MIB1: variants seen among roughly 807,000 people sequenced by gnomAD.
The protein encoded by MIB1 is MIB E3 ubiquitin protein ligase 1.
A neutral mutation model predicts 124.5 loss-of-function variants in MIB1; 278 were observed. The ratio of observed to expected loss-of-function variants is 2.23; its 90% CI spans 2.02 to 2.47. The LOEUF (loss-of-function observed/expected upper bound fraction) is 2.47. Among genes scored for constraint, MIB1 ranks in the 30% most tolerant of loss-of-function variants. The pLI is 0.00. For synonymous variants in MIB1, 446 were observed against 429.4 expected (o/e 1.04, Z -0.48); for missense variants, 957 against 1,254.4 (o/e 0.76, Z 3.58).
intron 4 of MIB1, among the ~76,000 whole-genome samples, chr18:21,776,872 G>A (rs1305864663): frequency 1.3e-5 from 2 of 152,054 alleles, no homozygotes; most frequent in Non-Finnish European, 2.9e-5. Flanking sequence ...AGCTACTGGG[G>A]AGGCAGAGGC....
At chr18:21,859,763 C>T (rs1160903097) in intron 20 of MIB1, among the ~76,000 whole-genome samples, 1 of 151,548 alleles carries the variant, frequency 6.6e-6, no homozygotes, top group Admixed American at 6.6e-5. Context: ...GTGGCGCGCA[C>T]CTGTAGTCGC....
chr18:21,744,347 A>G (rs2040889577), intron 1 of MIB1, among the ~76,000 whole-genome samples: 1 of 152,188 alleles, frequency 6.6e-6, no homozygotes, highest in African/African-American at 2.4e-5. Context: ...GTCTTCCAGA[A>G]AAATTACAAA....
chr18:21,783,482 G>A (rs916481634), intron 6 of MIB1, among the ~76,000 whole-genome samples: 1 of 151,832 alleles, frequency 6.6e-6, no homozygotes, highest in Admixed American at 6.6e-5. Flanking sequence ...ACCTCAGGTG[G>A]TCCTCCCGCC....
At chr18:21,800,267 A>G (rs1446070230) in intron 9 of MIB1, among the ~76,000 whole-genome samples, 1 of 152,054 alleles carries the variant, frequency 6.6e-6, no homozygotes, top group Non-Finnish European at 1.5e-5. Context: ...TCCTCATGTA[A>G]ACATCATTTT....
intron 6 of MIB1, among the ~76,000 whole-genome samples, chr18:21,788,217 A>C (rs1354767438): frequency 1.2e-4 from 19 of 152,220 alleles, no homozygotes; most frequent in Non-Finnish European, 4.4e-5. Context: ...AAATCAATAA[A>C]TTGAATAATT....
intron 3 of MIB1, among the ~76,000 whole-genome samples, chr18:21,771,147 T>C (rs903225850): frequency 5.3e-5 from 8 of 152,236 alleles, no homozygotes; most frequent in African/African-American, 1.9e-4. Flanking sequence ...GGCAACATTA[T>C]ACCTAATGGT....
At chr18:21,727,712 G>C (rs1206029775) in intron 1 of MIB1, among the ~76,000 whole-genome samples, 1 of 152,118 alleles carries the variant, frequency 6.6e-6, no homozygotes, top group African/African-American at 2.4e-5. Flanking sequence ...AGTGAGCTGT[G>C]AGCTGCACTG....
chr18:21,859,494 T>A (rs536393648), intron 20 of MIB1, among the ~76,000 whole-genome samples: 121 of 152,304 alleles, frequency 7.9e-4, no homozygotes, highest in African/African-American at 2.7e-3. Context: ...GATGCTCTGT[T>A]TCTTGATCTG....
chr18:21,786,363 C>T (rs963271808), intron 6 of MIB1, among the ~76,000 whole-genome samples: 1 of 152,228 alleles, frequency 6.6e-6, no homozygotes, highest in Non-Finnish European at 1.5e-5. Flanking sequence ...TCCCAAAGTG[C>T]TGGGATTACA....
In MIB1 at chr18:21,858,650, A is replaced by G; in HGVS notation, c.2880+4A>G. On this transcript the variant is annotated splice_donor_region_variant and intron_variant, in intron 20 of 20. Coordinates refer to ENST00000261537, the MANE Select transcript of MIB1 (RefSeq NM_020774.4). The stretch of plus-strand genomic sequence containing the variant: ...GTTACAAGACATTAAAGAGCAGGTA[A>G]TAATGATTTCATGTAAACAGTGATG... The G allele has an allele frequency of 6.8e-7, 1 of 1,472,050 alleles. No homozygotes were observed. The highest frequency in any genetic ancestry group is 9.5e-7 in the Non-Finnish European group (1 of 1,052,460). 91.2% of individuals were successfully genotyped at this position (1,472,050 alleles called of 1,614,324 possible).
chr18:21,807,026 T>A (rs2041716808), intron 10 of MIB1, among the ~76,000 whole-genome samples: 2 of 152,258 alleles, frequency 1.3e-5, no homozygotes, highest in Admixed American at 6.5e-5. Context: ...TGCATTTTTT[T>A]ATTTTAAAAT....
chr18:21,772,987 C>T (rs771895051), intron 3 of MIB1, among the ~76,000 whole-genome samples: 16 of 152,042 alleles, frequency 1.1e-4, no homozygotes, highest in Non-Finnish European at 1.6e-4. Flanking sequence ...CTGTTCTTGC[C>T]GGGCGTAGTG....
At chr18:21,807,165 T>A (rs1297275553) in intron 10 of MIB1, among the ~76,000 whole-genome samples, 1 of 152,204 alleles carries the variant, frequency 6.6e-6, no homozygotes, top group Non-Finnish European at 1.5e-5. Context: ...ATGCACTGAT[T>A]CACATCTGTA....
rs1327382056 is a variant in MIB1, at chr18:21,861,245, T to A, written c.2880+2599T>A. Among the ~76,000 whole-genome samples the A allele has an allele frequency of 5.9e-5, 9 of 152,074 alleles. No individual in the cohort carries two copies. In the East Asian group the frequency reaches 1.7e-3, roughly 29 times the overall value. On this transcript the variant is annotated intron_variant, in intron 20 of 20. Transcript: ENST00000261537. ...GGGACATATTTGGCTAGTTCTAATA[T>A]AAAATAAAACATTTAATATATCTAA...
chr18:21,712,062 A>C, intron 1 of MIB1: 1 of 182,266 alleles, frequency 5.5e-6, no homozygotes, highest in Admixed American at 4.9e-5. Context: ...CATTATCACA[A>C]AAACCAAGAT....
At chr18:21,755,354 CAG>C (rs2041019955) in intron 1 of MIB1, among the ~76,000 whole-genome samples, 1 of 143,746 alleles carries the variant, frequency 7.0e-6, no homozygotes, top group Non-Finnish European at 1.5e-5. Context: ...TTTTTTGAGA[CAG>C]AGTCTCACTC....
chr18:21,782,793 G>T (rs1402476630), intron 6 of MIB1, among the ~76,000 whole-genome samples: 1 of 152,104 alleles, frequency 6.6e-6, no homozygotes, highest in African/African-American at 2.4e-5. Context: ...ATTTGGTTTG[G>T]ATTGTAGTTT....
intron 2 of MIB1, among the ~76,000 whole-genome samples, chr18:21,767,446 C>T (rs1045302393): frequency 1.3e-5 from 2 of 152,038 alleles, no homozygotes; most frequent in African/African-American, 2.4e-5. Context: ...GTCCCTCCCT[C>T]GACGTGTGGG....
intron 1 of MIB1, among the ~76,000 whole-genome samples, chr18:21,743,078 G>A (rs185882808): frequency 1.1e-4 from 17 of 152,284 alleles, no homozygotes; most frequent in African/African-American, 3.8e-4. Flanking sequence ...CACAAGGCCA[G>A]GCTTCAGATA....
Sources: allele counts gnomAD v4.1 joint callset (sites outside exome capture counted in the v4.1 genomes callset), GRCh38; gene constraint gnomAD v4.1.1; transcripts MANE v1.5; gene names NCBI Gene and HGNC (gene_info 2026-07-23, HGNC 2026-07-21).